Variants in HDAC9 observed in about 807,000 individuals in gnomAD.
HDAC9 encodes the protein MEF-2 interacting transcription repressor (MITR) protein.
In HDAC9, 41 loss-of-function variants were observed where a neutral mutation model predicts 139.4. The ratio of observed to expected loss-of-function variants is 0.29; its 90% confidence interval spans 0.23 to 0.38. The LOEUF is 0.38. HDAC9 is among the 10% of genes least tolerant of loss of function. The pLI is 1.00. For missense variants in HDAC9, 1,147 were observed against 1,297.0 expected, an observed-to-expected ratio of 0.88 and a Z score of 1.78; for synonymous variants, 517 against 476.2, an observed-to-expected ratio of 1.09 and a Z score of -1.12.
In HDAC9 at chr7:18,747,292, G is replaced by A. The variant is rs565596764; in HGVS notation, c.1910-1713G>A. Among the ~76,000 whole-genome samples the A allele has an allele frequency of 2.6e-5, 4 of 152,292 alleles. No individual in the cohort carries two copies. The East Asian group carries it at 7.7e-4, about 29-fold the overall frequency. The stretch of plus-strand genomic sequence containing the variant: ...GTGTGGCAAATGGAATAGAGTGAAA[G>A]TCAGGTTCTGCATTACAAGGCAATC... On this transcript the variant is annotated intron_variant, in intron 13 of 25. Coordinates refer to ENST00000686413, the MANE Select transcript of HDAC9 (RefSeq NM_178425.4).
chr7:18,186,632 A>G (rs1290933142), intron 2 of HDAC9, among the ~76,000 whole-genome samples: 2 of 152,258 alleles, frequency 1.3e-5, no homozygotes, highest in East Asian at 3.8e-4. Context: ...ATTTGTGGTC[A>G]GAAGACCTTA....
At chr7:18,776,643 T>A (rs1019180345) in intron 16 of HDAC9, among the ~76,000 whole-genome samples, 9 of 151,940 alleles carry the variant, frequency 5.9e-5, no homozygotes, top group Non-Finnish European at 1.3e-4. Flanking sequence ...GGAAGGGGTG[T>A]GGAGTCTTGT....
intron 12 of HDAC9, among the ~76,000 whole-genome samples, chr7:18,676,785 G>T (rs1293682057): frequency 6.6e-6 from 1 of 151,524 alleles, no homozygotes; most frequent in Non-Finnish European, 1.5e-5. Flanking sequence ...GTGGTTAGTT[G>T]TATCTCATTA....
Position 18,703,213 on chromosome 7 carries a change from T to C in HDAC9, c.1732-24367T>C, listed in dbSNP as rs534144384. On this transcript the variant is annotated intron_variant, in intron 12 of 25. Coordinates refer to ENST00000686413, the MANE Select transcript of HDAC9 (RefSeq NM_178425.4). ...ATTCTTATTTTTAATGTTTCTTCTA[T>C]ATAAAACAATACTTTGAATGTTTCA... 5.3e-5 allele frequency among the ~76,000 whole-genome samples: 8 copies of C among 152,296 alleles called. No homozygotes were observed. The South Asian group carries it at 1.4e-3, about 28-fold the overall frequency.
At chr7:18,919,059 T>G (rs1016674261) in intron 22 of HDAC9, among the ~76,000 whole-genome samples, 2 of 152,030 alleles carry the variant, frequency 1.3e-5, no homozygotes, top group Admixed American at 1.3e-4. Flanking sequence ...AATAAATACT[T>G]GAGTTAATCA....
chr7:18,829,344 A>G, intron 18 of HDAC9, 117 bp from the exon 19 acceptor site: 3 of 1,115,472 alleles, frequency 2.7e-6, no homozygotes, highest in Non-Finnish European at 4.1e-6. Flanking sequence ...TACTCCCAGA[A>G]GCAGATTTAT....
At chr7:18,139,854 G>C (rs746631699) in intron 1 of HDAC9, among the ~76,000 whole-genome samples, 1 of 152,150 alleles carries the variant, frequency 6.6e-6, no homozygotes, top group Non-Finnish European at 1.5e-5. Context: ...GCAGCCTCCG[G>C]AAGTTAGAGT....
At chr7:18,183,243 T>C (rs1325978826) in intron 2 of HDAC9, among the ~76,000 whole-genome samples, 1 of 152,154 alleles carries the variant, frequency 6.6e-6, no homozygotes, top group Non-Finnish European at 1.5e-5. Context: ...TCTTCTGACC[T>C]CGTGATCCGC....
intron 22 of HDAC9, among the ~76,000 whole-genome samples, chr7:18,899,043 G>T (rs1001228859): frequency 3.3e-5 from 5 of 151,976 alleles, no homozygotes; most frequent in African/African-American, 1.2e-4. Context: ...ATTGCATAGG[G>T]AAAGTTTCCA....
chr7:18,666,202 C>T lies in HDAC9; in HGVS notation c.1468-11C>T, dbSNP rs776064434. ...CTACTGAATTTTGAACCCCTGAACA[C>T]TCTCTTCTAGCTGCTTTCGAAATCT... On this transcript the variant is annotated splice_polypyrimidine_tract_variant and intron_variant, in intron 11 of 25. Coordinates refer to ENST00000686413, the MANE Select transcript of HDAC9 (RefSeq NM_178425.4). 10 of 1,598,558 alleles carry T rather than the reference C, an allele frequency of 6.3e-6. No individual in the cohort carries two copies. Among genetic ancestry groups the T allele is most frequent in the Non-Finnish European group, 8.5e-6 (10 of 1,170,192 alleles).
intron 16 of HDAC9, among the ~76,000 whole-genome samples, chr7:18,770,690 T>C (rs1296613748): frequency 1.3e-5 from 2 of 152,156 alleles, no homozygotes; most frequent in African/African-American, 4.8e-5. Context: ...CTTAGAGAAA[T>C]TGATAACAGA....
At chr7:18,166,032 A>C (rs1787989703) in intron 2 of HDAC9, among the ~76,000 whole-genome samples, 1 of 152,170 alleles carries the variant, frequency 6.6e-6, no homozygotes, top group African/African-American at 2.4e-5. Flanking sequence ...TAGAAAACCT[A>C]ATTTCAGCCT....
At chr7:18,623,817 C>G (rs551192254) in intron 6 of HDAC9, among the ~76,000 whole-genome samples, 1 of 152,282 alleles carries the variant, frequency 6.6e-6, no homozygotes, top group East Asian at 1.9e-4. Context: ...TGGCACGCCC[C>G]TATAATCCCA....
At chr7:18,877,494 A>G (rs981089559) in intron 22 of HDAC9, among the ~76,000 whole-genome samples, 17 of 152,186 alleles carry the variant, frequency 1.1e-4, no homozygotes, top group African/African-American at 3.4e-4. Flanking sequence ...GTGTTTTCCA[A>G]TTCTAGCAAA....
At chr7:18,456,292 A>G (rs1325195766) in intron 1 of HDAC9, among the ~76,000 whole-genome samples, 12 of 152,064 alleles carry the variant, frequency 7.9e-5, no homozygotes, top group Admixed American at 6.6e-4. Flanking sequence ...GCTGGAGTGC[A>G]GCAGTGTGAT....
At chr7:18,941,007 G>A (rs1037423208) in intron 23 of HDAC9, among the ~76,000 whole-genome samples, 2 of 152,000 alleles carry the variant, frequency 1.3e-5, no homozygotes, top group Admixed American at 6.6e-5. Context: ...GAGGAAAAAA[G>A]CAAAACAAAT....
intron 1 of HDAC9, among the ~76,000 whole-genome samples, chr7:18,377,342 A>G (rs1785070230): frequency 6.6e-6 from 1 of 152,154 alleles, no homozygotes; most frequent in Non-Finnish European, 1.5e-5. Context: ...TAGAATTTTA[A>G]CGTATTCAGT....
chr7:18,371,620 T>G (rs528900692), intron 1 of HDAC9, among the ~76,000 whole-genome samples: 10 of 152,140 alleles, frequency 6.6e-5, no homozygotes, highest in African/African-American at 2.4e-4. Flanking sequence ...ACAGACACAA[T>G]AGCAGAAACA....
chr7:18,393,122 TG>T (rs1210468370), intron 1 of HDAC9, among the ~76,000 whole-genome samples: 4 of 98,490 alleles, frequency 4.1e-5, no homozygotes, highest in Non-Finnish European at 1.0e-4. Context: ...TTAGATAAAA[TG>T]GATTTTTTTT....
Sources: gnomAD v4.1 joint callset for allele counts (sites outside exome capture counted in the v4.1 genomes callset) on GRCh38, gnomAD v4.1.1 for gene constraint, MANE v1.5 for transcripts, NCBI Gene and HGNC (gene_info 2026-07-23, HGNC 2026-07-21) for gene names.